The following PCDHA10 variants were observed in gnomAD, a reference collection of about 807,000 sequenced individuals.
The protein encoded by PCDHA10 is protocadherin alpha 10.
In PCDHA10, 45 loss-of-function variants were observed where a neutral mutation model predicts 61.2. The observed-to-expected ratio is 0.74, with a 90% CI of 0.58 to 0.94. The LOEUF is 0.94. Among genes scored for constraint, PCDHA10 ranks in the 40% least tolerant of loss-of-function variants. PCDHA10 has a pLI of 0.00. For missense variants in PCDHA10, 1,278 were observed against 1,236.2 expected, an observed-to-expected ratio of 1.03 and a Z score of -0.51; for synonymous variants, 602 against 548.8, an observed-to-expected ratio of 1.10 and a Z score of -1.35.
At chr5:140,962,104 C>T (rs1387807188) in intron 1 of PCDHA10, among the ~76,000 whole-genome samples, 1 of 152,056 alleles carries the variant, frequency 6.6e-6, no homozygotes, top group Non-Finnish European at 1.5e-5. Context: ...CCAGGATGGT[C>T]TCGATCTCCT....
intron 3 of PCDHA10, among the ~76,000 whole-genome samples, chr5:141,005,570 C>T (rs2098221993): frequency 6.6e-6 from 1 of 151,052 alleles, no homozygotes; most frequent in African/African-American, 2.4e-5. Context: ...GGCATGGTGG[C>T]GCGTGCCTGT....
chr5:140,961,027 C>G (rs1222428259), intron 1 of PCDHA10, among the ~76,000 whole-genome samples: 1 of 152,164 alleles, frequency 6.6e-6, no homozygotes, highest in Non-Finnish European at 1.5e-5. Flanking sequence ...CTTGCTACCT[C>G]CTTGTTTTGA....
At chr5:140,986,511 C>T (rs181646630) in intron 3 of PCDHA10, among the ~76,000 whole-genome samples, 76 of 152,288 alleles carry the variant, frequency 5.0e-4, no homozygotes, top group African/African-American at 1.8e-3. Context: ...AAGGACTGCC[C>T]CTGCCTGTGA....
At chr5:141,006,328 C>CA (rs1258327155) in intron 3 of PCDHA10, among the ~76,000 whole-genome samples, 12 of 152,060 alleles carry the variant, frequency 7.9e-5, no homozygotes, top group Non-Finnish European at 1.6e-4. Flanking sequence ...TCTCCTGCCT[C>CA]AGCCTCCTGA....
At chr5:140,920,239 A>G (rs1584173491) in intron 1 of PCDHA10, among the ~76,000 whole-genome samples, 1 of 152,356 alleles carries the variant, frequency 6.6e-6, no homozygotes, top group Middle Eastern at 3.4e-3. Context: ...TATATACCCA[A>G]CAATACATCG....
At chr5:140,922,391 G>T (rs1354789717) in intron 1 of PCDHA10, among the ~76,000 whole-genome samples, 1 of 152,182 alleles carries the variant, frequency 6.6e-6, no homozygotes, top group Non-Finnish European at 1.5e-5. Context: ...AAGACTCCTT[G>T]TTTTGGATTA....
At chr5:140,935,291 C>T (rs1221872941) in intron 1 of PCDHA10, among the ~76,000 whole-genome samples, 4 of 152,100 alleles carry the variant, frequency 2.6e-5, no homozygotes, top group East Asian at 1.9e-4. Context: ...TTCAGCACTC[C>T]GAGGTTTTTA....
At chr5:140,953,135 G>C (rs1331167155) in intron 1 of PCDHA10, among the ~76,000 whole-genome samples, 2 of 152,126 alleles carry the variant, frequency 1.3e-5, no homozygotes, top group Non-Finnish European at 2.9e-5. Flanking sequence ...CCGTATCACT[G>C]TTATATTTCT....
At position 140,929,035 on chromosome 5, in the gene PCDHA10, G is replaced by T. The variant is rs6877058; in HGVS notation, c.2389-49914G>T. 2.5e-3 allele frequency: 4,027 copies of T among 1,614,128 alleles called. 64 individuals are homozygous for T. In the African/African-American group the frequency reaches 0.039, roughly 15 times the overall value. On this transcript the variant is annotated intron_variant, in intron 1 of 3. Coordinates refer to ENST00000307360, the MANE Select transcript of PCDHA10 (RefSeq NM_018901.4). The stretch of plus-strand genomic sequence containing the variant: ...GTTGCACCAGAGCCCAGGCTGTTGC[G>T]CTCAGAGCTGCTGTCGCTCTACAGA...
chr5:140,859,194 A>G (rs1412348145), intron 1 of PCDHA10: 1 of 149,838 alleles, frequency 6.7e-6, no homozygotes, highest in African/African-American at 2.4e-5. Context: ...ATTGCTTATG[A>G]TATTCAGGTA....
At chr5:140,904,214 C>T (rs2070953663) in intron 1 of PCDHA10, among the ~76,000 whole-genome samples, 1 of 151,882 alleles carries the variant, frequency 6.6e-6, no homozygotes, top group South Asian at 2.1e-4. Flanking sequence ...TCCCCAAAGT[C>T]CATTGTATTA....
At chr5:140,997,792 T>C (rs1279010273) in intron 3 of PCDHA10, among the ~76,000 whole-genome samples, 1 of 152,160 alleles carries the variant, frequency 6.6e-6, no homozygotes, top group African/African-American at 2.4e-5. Context: ...TATATTATAA[T>C]TTATCCAATT....
rs557764399 is a variant in PCDHA10, at chr5:140,865,245, G to A, written c.2388+6809G>A. On this transcript the variant is annotated intron_variant, in intron 1 of 3. Coordinates refer to ENST00000307360, the MANE Select transcript of PCDHA10 (RefSeq NM_018901.4). ...GGATCCCAGAGAACACGTATTTATA[G>A]CTGTAAGGATGTGTATCAAATTATA... The A allele has an allele frequency of 1.1e-3, 171 of 152,250 alleles. 2 individuals are homozygous for A. The highest frequency in any genetic ancestry group is 3.6e-3 in the African/African-American group (148 of 41,542). 9.4% of individuals were successfully genotyped at this position (152,250 alleles called of 1,614,324 possible).
chr5:140,966,620 G>A lies in PCDHA10; in HGVS notation c.2389-12329G>A, dbSNP rs2096027901. 8 of 837,888 alleles carry A rather than the reference G, an allele frequency of 9.5e-6. No homozygotes were observed. The East Asian group carries it at 2.6e-4, about 27-fold the overall frequency. 51.9% of individuals were successfully genotyped at this position (837,888 alleles called of 1,614,324 possible). A position where few individuals can be genotyped will look rare whatever the true frequency, so the allele number is the denominator to read the frequency against. On this transcript the variant is annotated intron_variant, in intron 1 of 3. Transcript: ENST00000307360. ...GAGCCCTTGGGAGGGCCTACGGAGG[G>A]AGCGGCCCCAGGCGCTTTCTAGAGC...
chr5:141,009,258 C>A (rs1311772308), intron 3 of PCDHA10, among the ~76,000 whole-genome samples: 1 of 152,086 alleles, frequency 6.6e-6, no homozygotes, highest in Admixed American at 6.6e-5. Flanking sequence ...TGTTTGAGAC[C>A]AGCCTGGGCA....
At chr5:140,877,522 G>T in intron 1 of PCDHA10, 1 of 1,613,798 alleles carries the variant, frequency 6.2e-7, no homozygotes, top group Non-Finnish European at 8.5e-7. Context: ...GCGGGCCTCA[G>T]TGGGCGCTGT....
rs782417854 is a variant in PCDHA10 at position 140,967,777 on chromosome 5, G to T, written c.2389-11172G>T. On this transcript the variant is annotated intron_variant, in intron 1 of 3. Transcript: ENST00000307360. The stretch of plus-strand genomic sequence containing the variant: ...CCTCCTACCAGATCTATGTGCAGGC[G>T]ACTGACCGGGGTCCAGTGCCCATGG... 2.5e-6 allele frequency: 4 copies of T among 1,614,186 alleles called. No individual in the cohort carries two copies. The South Asian group carries it at 4.4e-5, about 18-fold the overall frequency.
chr5:140,975,127 T>C (rs1331047394), intron 1 of PCDHA10, among the ~76,000 whole-genome samples: 2 of 152,288 alleles, frequency 1.3e-5, no homozygotes, highest in East Asian at 1.9e-4. Flanking sequence ...CTACTTACTA[T>C]TGGCCTGGGG....
intron 3 of PCDHA10, among the ~76,000 whole-genome samples, chr5:141,005,783 C>T (rs79683532): frequency 0.097 from 14,322 of 148,270 alleles, 898 homozygotes; most frequent in African/African-American, 0.18. Context: ...TGTAAAGATC[C>T]TGAGGCAAAA....
Sources: gnomAD v4.1 joint callset for allele counts (sites outside exome capture counted in the v4.1 genomes callset) on GRCh38, gnomAD v4.1.1 for gene constraint, MANE v1.5 for transcripts, NCBI Gene and HGNC (gene_info 2026-07-23, HGNC 2026-07-21) for gene names.